The following NIPSNAP2 variants were observed in gnomAD, a reference collection of about 807,000 sequenced individuals.
The protein encoded by NIPSNAP2 is protein NipSnap homolog 2.
NIPSNAP2 carries 42 observed loss-of-function variants against 48.4 expected under a neutral mutation model. The observed-to-expected ratio is 0.87, with a 90% CI of 0.68 to 1.12. The LOEUF is 1.12. Among genes scored for constraint, NIPSNAP2 ranks in the 50% most tolerant of loss-of-function variants. The pLI, the probability that NIPSNAP2 is intolerant of heterozygous loss-of-function variation, is 0.00. For synonymous variants in NIPSNAP2, 158 were observed against 126.6 expected (o/e 1.25, Z -1.67); for missense variants, 314 against 347.3 (o/e 0.90, Z 0.76).
intron 1 of NIPSNAP2, among the ~76,000 whole-genome samples, chr7:55,974,817 C>G (rs1213691998): frequency 1.4e-5 from 2 of 145,024 alleles, no homozygotes; most frequent in Non-Finnish European, 3.0e-5. Context: ...CGCTGTACTC[C>G]AGCCTGGGCA....
chr7:55,996,467 G>T (rs1377113176), intron 8 of NIPSNAP2, among the ~76,000 whole-genome samples: 1 of 151,942 alleles, frequency 6.6e-6, no homozygotes, highest in Non-Finnish European at 1.5e-5. Context: ...CTCTCCCATT[G>T]CTTGCCCTGC....
intron 3 of NIPSNAP2, 76 bp from the exon 4 acceptor site, chr7:55,981,397 G>T: frequency 1.0e-6 from 1 of 970,496 alleles, no homozygotes; most frequent in Admixed American, 1.8e-5. Flanking sequence ...TCTTTTTCCT[G>T]TTACTGATCA....
At chr7:55,988,507 T>C (rs1787376916) in intron 7 of NIPSNAP2, among the ~76,000 whole-genome samples, 1 of 152,116 alleles carries the variant, frequency 6.6e-6, no homozygotes, top group African/African-American at 2.4e-5. Flanking sequence ...CCTTCCGATA[T>C]TGCTGATGGG....
At chr7:55,998,750 C>T (rs1463843945) in intron 9 of NIPSNAP2, among the ~76,000 whole-genome samples, 1 of 152,060 alleles carries the variant, frequency 6.6e-6, no homozygotes, top group East Asian at 1.9e-4. Context: ...CCACCTGCCT[C>T]AGCCTCCCAA....
intron 9 of NIPSNAP2, among the ~76,000 whole-genome samples, chr7:55,998,585 C>A (rs1177430621): frequency 6.9e-6 from 1 of 144,566 alleles, no homozygotes; most frequent in Non-Finnish European, 1.5e-5. Context: ...ACTGCAACCT[C>A]CGCCTCCCGG....
chr7:55,985,996 T>C (rs1328763099), intron 7 of NIPSNAP2, among the ~76,000 whole-genome samples: 1 of 151,630 alleles, frequency 6.6e-6, no homozygotes, highest in African/African-American at 2.4e-5. Context: ...TGCAGTGAGC[T>C]GAGATCACAC....
intron 1 of NIPSNAP2, among the ~76,000 whole-genome samples, chr7:55,969,373 T>G (rs1278543710): frequency 6.6e-6 from 1 of 151,276 alleles, no homozygotes; most frequent in Non-Finnish European, 1.5e-5. Context: ...TGGTGCTGTT[T>G]GCACACTTGT....
intron 1 of NIPSNAP2, among the ~76,000 whole-genome samples, chr7:55,973,426 A>G (rs1191415710): frequency 6.6e-6 from 1 of 151,674 alleles, no homozygotes; most frequent in Non-Finnish European, 1.5e-5. Flanking sequence ...ATATTTCTTT[A>G]TAATTATTTA....
At chr7:55,981,336 C>T in intron 3 of NIPSNAP2, 137 bp from the exon 4 acceptor site, 1 of 621,514 alleles carries the variant, frequency 1.6e-6, no homozygotes, top group South Asian at 2.0e-5. Flanking sequence ...ACTCCACATG[C>T]CGTTTTATCA....
chr7:55,986,806 CAATAAT>C (rs993651993), intron 7 of NIPSNAP2, among the ~76,000 whole-genome samples: 2 of 151,768 alleles, frequency 1.3e-5, no homozygotes, highest in South Asian at 2.1e-4. Flanking sequence ...TCTTACAACT[CAATAAT>C]AAGAATACAG....
chr7:55,981,345 C>CA, intron 3 of NIPSNAP2, 128 bp from the exon 4 acceptor site: 1 of 655,856 alleles, frequency 1.5e-6, no homozygotes, highest in Non-Finnish European at 2.8e-6. Context: ...GCCGTTTTAT[C>CA]ATGATGTTCT....
chr7:55,967,729 A>G (rs1446755541), intron 1 of NIPSNAP2, among the ~76,000 whole-genome samples: 2 of 151,284 alleles, frequency 1.3e-5, no homozygotes, highest in African/African-American at 4.9e-5. Flanking sequence ...GCTCCCTGCA[A>G]CCTCCACCTC....
intron 1 of NIPSNAP2, among the ~76,000 whole-genome samples, chr7:55,967,632 A>ATTATTTATTTAT (rs61430146): frequency 0.017 from 2,487 of 142,784 alleles, 38 homozygotes; most frequent in Non-Finnish European, 0.024. Context: ...ATGCCCAGCT[A>ATTATTTATTTAT]TTATTTATTT....
At chr7:55,975,781 T>C (rs11489729) in intron 1 of NIPSNAP2, among the ~76,000 whole-genome samples, 10,162 of 152,280 alleles carry the variant, frequency 0.067, 1,110 homozygotes, top group African/African-American at 0.23. Context: ...CTCACACCTA[T>C]AATCCCAGCA....
intron 5 of NIPSNAP2, among the ~76,000 whole-genome samples, chr7:55,983,195 G>A (rs1231046185): frequency 6.6e-6 from 1 of 152,134 alleles, no homozygotes; most frequent in Non-Finnish European, 1.5e-5. Flanking sequence ...GGCACAATTA[G>A]CTCTGGATGA....
intron 1 of NIPSNAP2, among the ~76,000 whole-genome samples, 174 bp from the exon 2 acceptor site, chr7:55,977,952 T>A (rs1787134358): frequency 6.6e-6 from 1 of 152,220 alleles, no homozygotes; most frequent in Non-Finnish European, 1.5e-5. Flanking sequence ...ACATTTTACA[T>A]TTTTCTTTGC....
intron 1 of NIPSNAP2, among the ~76,000 whole-genome samples, chr7:55,976,039 AGTGTGTGTGTGTGTGT>A (rs60119988): frequency 1.3e-5 from 2 of 150,314 alleles, no homozygotes; most frequent in African/African-American, 2.4e-5. Flanking sequence ...CTCTCAAAAA[AGTGTGTGTGTGTGTGT>A]GTGTGTGTGT....
intron 9 of NIPSNAP2, among the ~76,000 whole-genome samples, chr7:55,997,934 C>T (rs1787595946): frequency 6.6e-6 from 1 of 152,132 alleles, no homozygotes; most frequent in South Asian, 2.1e-4. Context: ...TATTATGAAA[C>T]CCTGTTTGCT....
chr7:55,971,962 A>G (rs1165708565), intron 1 of NIPSNAP2, among the ~76,000 whole-genome samples: 1 of 152,110 alleles, frequency 6.6e-6, no homozygotes, highest in Non-Finnish European at 1.5e-5. Context: ...TTATTTAACA[A>G]AAAAAATTGT....
Sources: allele counts gnomAD v4.1 joint callset (sites outside exome capture counted in the v4.1 genomes callset), GRCh38; gene constraint gnomAD v4.1.1; transcripts MANE v1.5; gene names NCBI Gene and HGNC (gene_info 2026-07-23, HGNC 2026-07-21).